The following ACYP2 variants were observed in gnomAD, a reference collection of about 807,000 sequenced individuals.
ACYP2 encodes acylphosphatase 2, also known as acylphosphatase-2.
ACYP2 carries 12 observed loss-of-function variants against 11.2 expected under a neutral mutation model. The ratio of observed to expected loss-of-function variants is 1.08; its 90% CI spans 0.69 to 1.74. The LOEUF (loss-of-function observed/expected upper bound fraction) is 1.74, where lower values mean the gene tolerates loss of function less well. Ranked by LOEUF, ACYP2 falls within the 40% of genes most tolerant of loss-of-function variation. The pLI is 0.00. For synonymous variants in ACYP2, 43 were observed against 32.2 expected (o/e 1.33, Z -1.13); for missense variants, 134 against 101.9 (o/e 1.31, Z -1.35).
chr2:54,163,884 T>C (rs1180146800), intron 6 of ACYP2, among the ~76,000 whole-genome samples: 1 of 152,134 alleles, frequency 6.6e-6, no homozygotes, highest in Non-Finnish European at 1.5e-5. Context: ...ATTCACTTAT[T>C]ATTTACTGAG....
intron 2 of ACYP2, among the ~76,000 whole-genome samples, chr2:54,018,837 T>A (rs1015201461): frequency 1.3e-5 from 2 of 152,072 alleles, no homozygotes; most frequent in Admixed American, 1.3e-4. Context: ...AACGTCCGCC[T>A]CCCAGGTTCA....
chr2:54,153,263 GA>G (rs35174995), intron 6 of ACYP2, among the ~76,000 whole-genome samples: 87,150 of 149,866 alleles, frequency 0.58, 25,434 homozygotes, highest in East Asian at 0.72. Context: ...GGAACCTTTG[GA>G]AAAAAAAAAA....
intron 4 of ACYP2, among the ~76,000 whole-genome samples, chr2:54,092,776 T>A (rs1678303517): frequency 6.6e-6 from 1 of 152,030 alleles, no homozygotes; most frequent in African/African-American, 2.4e-5. Context: ...ACATAGAGGG[T>A]GTACAGTGAT....
intron 4 of ACYP2, among the ~76,000 whole-genome samples, chr2:54,089,352 G>C (rs1461369495): frequency 1.3e-5 from 2 of 152,132 alleles, no homozygotes; most frequent in Non-Finnish European, 2.9e-5. Flanking sequence ...AGCACTTTGT[G>C]AGGCCAAGAC....
intron 6 of ACYP2, among the ~76,000 whole-genome samples, chr2:54,262,779 A>G (rs1687838444): frequency 6.6e-6 from 1 of 152,016 alleles, no homozygotes. Flanking sequence ...CAAGTAAAGC[A>G]TTTCTGGTTT....
rs567058764 is a variant in ACYP2, at chr2:53,991,114, C to G, written c.62+17304C>G. On this transcript the variant is annotated intron_variant, in intron 2 of 6. Coordinates refer to ENST00000607452, the MANE Select transcript of ACYP2 (RefSeq NM_001320586.2). ...CCCTGTCGAGAATTTGTGTTTCTAA[C>G]AAGCTTCCAGGTGATGCTGCTGGTC... 1.7e-4 allele frequency among the ~76,000 whole-genome samples: 26 copies of G among 152,234 alleles called. No individual in the cohort carries two copies. The Middle Eastern group carries it at 0.01, about 60-fold the overall frequency.
intron 2 of ACYP2, among the ~76,000 whole-genome samples, chr2:53,994,589 G>A (rs1015133182): frequency 2.0e-5 from 3 of 150,948 alleles, no homozygotes; most frequent in Non-Finnish European, 4.4e-5. Context: ...GCAATAATTC[G>A]AAATTATATC....
chr2:54,169,612 A>T (rs369795485), intron 6 of ACYP2, among the ~76,000 whole-genome samples: 1 of 152,134 alleles, frequency 6.6e-6, no homozygotes, highest in Non-Finnish European at 1.5e-5. Context: ...GCTACTACCT[A>T]CCAGCCATAT....
intron 6 of ACYP2, among the ~76,000 whole-genome samples, chr2:54,217,653 G>C (rs1332102298): frequency 6.6e-6 from 1 of 152,090 alleles, no homozygotes; most frequent in African/African-American, 2.4e-5. Context: ...GATTACAGGC[G>C]TGAGCCTGTA....
chr2:54,003,838 A>G (rs534677059), intron 2 of ACYP2, among the ~76,000 whole-genome samples: 79 of 152,274 alleles, frequency 5.2e-4, no homozygotes, highest in African/African-American at 1.7e-3. Flanking sequence ...CGCCTATGCC[A>G]TTTTGCATTC....
intron 6 of ACYP2, among the ~76,000 whole-genome samples, chr2:54,303,799 G>A (rs1161738926): frequency 6.6e-6 from 1 of 152,200 alleles, no homozygotes; most frequent in African/African-American, 2.4e-5. Context: ...CTCATAGGAT[G>A]TTTCTACAAC....
intron 6 of ACYP2, among the ~76,000 whole-genome samples, chr2:54,275,111 A>G (rs1157576709): frequency 1.3e-5 from 2 of 152,234 alleles, no homozygotes; most frequent in African/African-American, 4.8e-5. Context: ...TTTGGTTTTA[A>G]TAAATGCACC....
chr2:53,992,830 C>CAAAA (rs535748279), intron 2 of ACYP2, among the ~76,000 whole-genome samples: 1 of 100,710 alleles, frequency 9.9e-6, no homozygotes. Context: ...AACTCCATCT[C>CAAAA]AAAAAAAAAA....
intron 6 of ACYP2, among the ~76,000 whole-genome samples, chr2:54,219,905 A>ATATATATATT (rs1288814375): frequency 6.2e-4 from 47 of 75,974 alleles, no homozygotes; most frequent in East Asian, 1.7e-3. Context: ...ATATATATAT[A>ATATATATATT]TTTTTTTTTT....
At chr2:54,213,709 C>T (rs1490228534) in intron 6 of ACYP2, among the ~76,000 whole-genome samples, 2 of 152,056 alleles carry the variant, frequency 1.3e-5, no homozygotes, top group African/African-American at 4.8e-5. Context: ...GCTGTTGGCT[C>T]TGTGTATGCG....
intron 6 of ACYP2, among the ~76,000 whole-genome samples, chr2:54,199,752 A>T (rs1684679728): frequency 1.3e-5 from 2 of 152,340 alleles, no homozygotes; most frequent in South Asian, 4.1e-4. Flanking sequence ...ACCTTGGTTT[A>T]AGAACTATGG....
intron 4 of ACYP2, among the ~76,000 whole-genome samples, chr2:54,088,383 C>T (rs1678050038): frequency 6.6e-6 from 1 of 152,134 alleles, no homozygotes; most frequent in African/African-American, 2.4e-5. Flanking sequence ...ACTGTCCCTC[C>T]TGCTGCAATG....
At chr2:53,999,306 C>G (rs1274330018) in intron 2 of ACYP2, among the ~76,000 whole-genome samples, 1 of 152,006 alleles carries the variant, frequency 6.6e-6, no homozygotes, top group Non-Finnish European at 1.5e-5. Flanking sequence ...ATGAGAGCAA[C>G]AAGATTCACA....
intron 6 of ACYP2, among the ~76,000 whole-genome samples, chr2:54,183,633 A>C (rs1683841808): frequency 6.6e-6 from 1 of 152,246 alleles, no homozygotes. Context: ...CCTAATTTGA[A>C]CATATTTTCA....
Sources: allele counts gnomAD v4.1 joint callset (sites outside exome capture counted in the v4.1 genomes callset), GRCh38; gene constraint gnomAD v4.1.1; transcripts MANE v1.5; gene names NCBI Gene and HGNC (gene_info 2026-07-23, HGNC 2026-07-21).